Variants in SYNE2 observed in about 807,000 individuals in gnomAD.
SYNE2 encodes the protein nesprin-2.
A neutral mutation model predicts 856.3 loss-of-function variants in SYNE2; 431 were observed. That is an observed-to-expected ratio of 0.50 (90% confidence interval 0.47 to 0.55). The LOEUF (loss-of-function observed/expected upper bound fraction) is 0.55, where lower values mean the gene tolerates loss of function less well. SYNE2 is among the 20% of genes least tolerant of loss of function. The pLI is 0.00. For missense variants in SYNE2, 8,129 were observed against 8,023.2 expected (o/e 1.01, Z -0.50); for synonymous variants, 2,923 against 2,872.3 (o/e 1.02, Z -0.56).
chr14:64,112,534 T>C (rs963201904), intron 65 of SYNE2, among the ~76,000 whole-genome samples: 1 of 152,340 alleles, frequency 6.6e-6, no homozygotes, highest in African/African-American at 2.4e-5. Flanking sequence ...ATATAATTAC[T>C]GGAATACTTT....
rs143958922 is a variant in SYNE2 at position 63,899,145 on chromosome 14, T to G, written c.-51-9953T>G. On this transcript the variant is annotated intron_variant, in intron 1 of 115. Coordinates refer to ENST00000555002, the MANE Select transcript of SYNE2 (RefSeq NM_182914.3). Reference sequence around the variant, plus strand: ...CAGCATTTGTGGAAAATTTTCTGATTATGTGTTGATTTCACATTTGTGAAT... The same window carrying G: ...CAGCATTTGTGGAAAATTTTCTGATGATGTGTTGATTTCACATTTGTGAAT... 2.7e-4 allele frequency among the ~76,000 whole-genome samples: 41 copies of G among 152,328 alleles called. 1 individual carries two copies. Among genetic ancestry groups the G allele is most frequent in the African/African-American group, 9.6e-4 (40 of 41,578 alleles).
chr14:64,161,741 A>C (rs2098331487), intron 87 of SYNE2, among the ~76,000 whole-genome samples: 1 of 125,496 alleles, frequency 8.0e-6, no homozygotes, highest in South Asian at 2.4e-4. Context: ...CTGTCTCTAC[A>C]AAAAAAAAAA....
intron 57 of SYNE2, among the ~76,000 whole-genome samples, chr14:64,086,791 C>T (rs1442543720): frequency 6.7e-6 from 1 of 148,628 alleles, no homozygotes; most frequent in Non-Finnish European, 1.5e-5. Flanking sequence ...CTCACTGCAG[C>T]CTCCGCCTCC....
intron 66 of SYNE2, among the ~76,000 whole-genome samples, chr14:64,114,533 A>G (rs1203375575): frequency 6.6e-6 from 1 of 152,046 alleles, no homozygotes; most frequent in Non-Finnish European, 1.5e-5. Flanking sequence ...CCTTCTATGT[A>G]AGCCCATAGT....
At chr14:64,169,096 AC>A in intron 93 of SYNE2, 125 bp downstream of exon 93, 1 of 738,820 alleles carries the variant, frequency 1.4e-6, no homozygotes, top group Non-Finnish European at 2.4e-6. Flanking sequence ...TTGACAGATC[AC>A]CATAGGACCA....
intron 84 of SYNE2, among the ~76,000 whole-genome samples, chr14:64,149,758 C>G (rs1384324294): frequency 6.6e-6 from 1 of 152,058 alleles, no homozygotes; most frequent in African/African-American, 2.4e-5. Context: ...CCATAATTAG[C>G]AAAAGATTAT....
At chr14:64,132,855 T>G (rs1038680128) in intron 77 of SYNE2, among the ~76,000 whole-genome samples, 2 of 152,204 alleles carry the variant, frequency 1.3e-5, no homozygotes, top group Non-Finnish European at 2.9e-5. Context: ...CTTCTCAGTT[T>G]TGAGGCATTC....
intron 18 of SYNE2, 39 bp from the exon 19 acceptor site, chr14:63,986,417 A>G (rs1206493146): frequency 6.2e-7 from 1 of 1,610,918 alleles, no homozygotes; most frequent in Non-Finnish European, 8.5e-7. Context: ...TGTTATGTAC[A>G]TGCTGACATT....
intron 84 of SYNE2, among the ~76,000 whole-genome samples, chr14:64,150,225 G>A (rs1450334461): frequency 7.1e-6 from 1 of 140,832 alleles, no homozygotes; most frequent in African/African-American, 2.7e-5. Flanking sequence ...GAATCCCGGA[G>A]GCGGAGTTTT....
intron 1 of SYNE2, among the ~76,000 whole-genome samples, chr14:63,844,388 G>C (rs760774716): frequency 2.0e-5 from 3 of 152,134 alleles, no homozygotes; most frequent in Admixed American, 6.5e-5. Context: ...TCAATTGTCT[G>C]GGTTTAACAC....
chr14:63,996,132 A>G (rs2096712343), intron 23 of SYNE2, among the ~76,000 whole-genome samples: 1 of 152,258 alleles, frequency 6.6e-6, no homozygotes, highest in Middle Eastern at 3.4e-3. Context: ...TCAAAGGTTC[A>G]TTTTATATTC....
chr14:64,218,281 C>T lies in SYNE2; in HGVS notation c.19543-117C>T, dbSNP rs1360387113. The T allele has an allele frequency of 4.4e-6, 4 of 907,720 alleles. No individual in the cohort carries two copies. In the African/African-American group the frequency reaches 6.6e-5, roughly 15 times the overall value. The allele number at this position is 907,720 out of a possible 1,614,324, so 56.2% of individuals were successfully genotyped here. ...GCACCACTGTATTCCTAGCAAGATA[C>T]CCTTCAAAGGAAAGGGGCCCATCTC... is the stretch of plus-strand genomic sequence containing the variant. On this transcript the variant is annotated intron_variant, in intron 108 of 115. Transcript: ENST00000555002.
intron 1 of SYNE2, among the ~76,000 whole-genome samples, chr14:63,819,618 G>A (rs1294903181): frequency 2.0e-5 from 3 of 150,050 alleles, no homozygotes; most frequent in African/African-American, 7.4e-5. Flanking sequence ...CTCACTGCAA[G>A]CTCCGCCTCC....
chr14:63,867,968 C>T (rs773124309), intron 1 of SYNE2, among the ~76,000 whole-genome samples: 6 of 151,792 alleles, frequency 4.0e-5, no homozygotes, highest in East Asian at 1.9e-4. Flanking sequence ...GAAGATCGCT[C>T]GAGCCCAGGA....
At chr14:63,878,874 A>G (rs2094791305) in intron 1 of SYNE2, among the ~76,000 whole-genome samples, 1 of 152,232 alleles carries the variant, frequency 6.6e-6, no homozygotes, top group Admixed American at 6.5e-5. Flanking sequence ...AGTGATCAAA[A>G]AAGAAAAAAA....
intron 2 of SYNE2, among the ~76,000 whole-genome samples, chr14:63,930,263 G>T (rs975154710): frequency 6.7e-6 from 1 of 149,130 alleles, no homozygotes; most frequent in African/African-American, 2.5e-5. Flanking sequence ...TCCAGCCTGG[G>T]CCATACGGTG....
intron 78 of SYNE2, among the ~76,000 whole-genome samples, chr14:64,136,694 T>C (rs1193264038): frequency 2.6e-5 from 4 of 152,224 alleles, no homozygotes; most frequent in African/African-American, 9.6e-5. Context: ...TAATTTATTT[T>C]TCTAAAGTTT....
chr14:63,823,510 C>G (rs948077640), intron 1 of SYNE2, among the ~76,000 whole-genome samples: 2 of 151,890 alleles, frequency 1.3e-5, no homozygotes, highest in Non-Finnish European at 2.9e-5. Flanking sequence ...AGAATTAACA[C>G]CTGTACTTCA....
intron 1 of SYNE2, among the ~76,000 whole-genome samples, chr14:63,903,830 A>G (rs919472106): frequency 6.8e-6 from 1 of 147,146 alleles, no homozygotes; most frequent in African/African-American, 2.5e-5. Flanking sequence ...TTTTAATTTC[A>G]GAGACATTCT....
Sources: allele counts gnomAD v4.1 joint callset (sites outside exome capture counted in the v4.1 genomes callset), GRCh38; gene constraint gnomAD v4.1.1; transcripts MANE v1.5; gene names NCBI Gene and HGNC (gene_info 2026-07-23, HGNC 2026-07-21).